The following TRANK1 variants were observed in gnomAD, a reference collection of about 807,000 sequenced individuals.
TRANK1 encodes tetratricopeptide repeat and ankyrin repeat containing 1.
TRANK1 carries 198 observed loss-of-function variants against 266.0 expected under a neutral mutation model. The ratio of observed to expected loss-of-function variants is 0.74; its 90% CI spans 0.66 to 0.84. The LOEUF (loss-of-function observed/expected upper bound fraction) is 0.84, where lower values mean the gene tolerates loss of function less well. Among genes scored for constraint, TRANK1 ranks in the 40% least tolerant of loss-of-function variants. The pLI, the probability that TRANK1 is intolerant of heterozygous loss-of-function variation, is 0.00. For synonymous variants in TRANK1, 1,396 were observed against 1,384.1 expected, an observed-to-expected ratio of 1.01 and a Z score of -0.19; for missense variants, 3,326 against 3,634.6, an observed-to-expected ratio of 0.92 and a Z score of 2.18.
rs151173305 is a variant in TRANK1 at position 36,913,395 on chromosome 3, T to C, written c.24-4941A>G. On this transcript the variant is annotated intron_variant, in intron 1 of 23. Coordinates refer to ENST00000645898, the MANE Select transcript of TRANK1 (RefSeq NM_001329998.2). ...CTATCTTTCTTTCTTGCCTGTTTGC[T>C]TGCTTGCTTGCTTGCTTGCTCACTT... 2.9e-5 allele frequency among the ~76,000 whole-genome samples: 4 copies of C among 140,314 alleles called. No individual in the cohort carries two copies. In the East Asian group the frequency reaches 5.9e-4, roughly 21 times the overall value. 92.1% of individuals were successfully genotyped at this position (140,314 alleles called of 152,430 possible). A position where few individuals can be genotyped will look rare whatever the true frequency, so the allele number is the denominator to read the frequency against.
chr3:36,903,035 G>T, intron 3 of TRANK1, 114 bp downstream of exon 3: 1 of 1,351,656 alleles, frequency 7.4e-7, no homozygotes, highest in Non-Finnish European at 9.8e-7. Context: ...GGAGGCAGCA[G>T]CTGCCACCCC....
At chr3:36,928,154 T>C (rs1464517300) in intron 1 of TRANK1, among the ~76,000 whole-genome samples, 1 of 152,182 alleles carries the variant, frequency 6.6e-6, no homozygotes, top group East Asian at 1.9e-4. Context: ...TCTATCTACT[T>C]GTTCCCTTGA....
At chr3:36,870,215 C>G (rs143009605) in intron 9 of TRANK1, among the ~76,000 whole-genome samples, 2 of 152,290 alleles carry the variant, frequency 1.3e-5, no homozygotes, top group East Asian at 3.9e-4. Flanking sequence ...GAAGACCAGT[C>G]TGACCAACAG....
chr3:36,861,221 C>T (rs1477363110), intron 10 of TRANK1, 61 bp from the exon 11 acceptor site: 4 of 1,492,086 alleles, frequency 2.7e-6, no homozygotes, highest in Admixed American at 2.1e-5. Flanking sequence ...CTTCTTTCCC[C>T]AATCACAACC....
chr3:36,856,926 C>A lies in TRANK1; in HGVS notation c.2796G>T (p.Gly932=). The change falls in exon 13 of 24, where the codon GGG becomes GGT. Residue 932 remains glycine, a synonymous_variant. Coordinates refer to ENST00000645898, the MANE Select transcript of TRANK1 (RefSeq NM_001329998.2). The part of the protein sequence containing the change: ...EQNTCAMEKS[G]RIYTEIIRIW... ...TCCGGATGATTTCCGTGTAGATCCG[C>A]CCTGATTTCTCCATTGCACACGTGT... is the stretch of plus-strand genomic sequence containing the variant. 1 of 1,591,434 alleles carries A rather than the reference C, an allele frequency of 6.3e-7. No homozygotes were observed. Among genetic ancestry groups the A allele is most frequent in the Non-Finnish European group, 8.5e-7 (1 of 1,169,836 alleles).
chr3:36,943,161 C>G (rs2080520704), intron 1 of TRANK1, among the ~76,000 whole-genome samples: 1 of 151,788 alleles, frequency 6.6e-6, no homozygotes, highest in Non-Finnish European at 1.5e-5. Flanking sequence ...CATTGCACTC[C>G]AGCCTGGGTG....
intron 17 of TRANK1, among the ~76,000 whole-genome samples, chr3:36,844,941 A>C (rs568140425): frequency 6.6e-6 from 1 of 152,312 alleles, no homozygotes; most frequent in Admixed American, 6.5e-5. Context: ...AACCCTCAAG[A>C]AAGACAACAA....
chr3:36,829,249 C>T (rs965340757), intron 23 of TRANK1, among the ~76,000 whole-genome samples: 2 of 152,172 alleles, frequency 1.3e-5, no homozygotes, highest in Non-Finnish European at 2.9e-5. Context: ...GATAGCTTCA[C>T]AATGCTTTGT....
chr3:36,833,423 C>G lies in TRANK1; in HGVS notation c.6160G>C (p.Asp2054His). 1.2e-6 allele frequency: 2 copies of G among 1,613,808 alleles called. No homozygotes were observed. Among genetic ancestry groups the G allele is most frequent in the Non-Finnish European group, 8.5e-7 (1 of 1,179,772 alleles). The change falls in exon 22 of 24, where the codon GAC becomes CAC. Residue 2054 changes from aspartate (D) to histidine (H), a missense_variant. Asp to His is a moderately conservative substitution (Grantham distance 81, BLOSUM62 -1). Coordinates refer to ENST00000645898, the MANE Select transcript of TRANK1 (RefSeq NM_001329998.2). Reference protein sequence around the residue: ...QKLRDAFFKFDTLNHSAGVVE... With the variant: ...QKLRDAFFKFHTLNHSAGVVE... ...ACTCCAGCTGAGTGGTTGAGCGTGT[C>G]AAACTTGAAGAAGGCATCCCTGAGC...
chr3:36,866,549 C>T (rs1313104435), intron 9 of TRANK1, among the ~76,000 whole-genome samples: 1 of 152,150 alleles, frequency 6.6e-6, no homozygotes, highest in Non-Finnish European at 1.5e-5. Context: ...CCTGATCCCA[C>T]AGGAAGGCTC....
At position 36,921,036 on chromosome 3, in the gene TRANK1, T is replaced by C. The variant is rs554148709; in HGVS notation, c.24-12582A>G. 2.0e-5 allele frequency among the ~76,000 whole-genome samples: 3 copies of C among 152,222 alleles called. No individual in the cohort carries two copies. In the South Asian group the frequency reaches 6.2e-4, roughly 32 times the overall value. ...TTTAATCAGTAGTTCACATCTGTTC[T>C]CCTGGTCACCTGCTCCATCCTGACT... On this transcript the variant is annotated intron_variant, in intron 1 of 23. Coordinates refer to ENST00000645898, the MANE Select transcript of TRANK1 (RefSeq NM_001329998.2).
chr3:36,918,878 C>A (rs1431318362), intron 1 of TRANK1, among the ~76,000 whole-genome samples: 1 of 152,162 alleles, frequency 6.6e-6, no homozygotes, highest in African/African-American at 2.4e-5. Flanking sequence ...AGCCAAGATA[C>A]TAATTACTTA....
chr3:36,887,916 T>A (rs2125599798), intron 8 of TRANK1, among the ~76,000 whole-genome samples: 1 of 152,340 alleles, frequency 6.6e-6, no homozygotes, highest in Middle Eastern at 3.4e-3. Context: ...CACTGTAAAA[T>A]GGTACAGCCA....
In TRANK1 at chr3:36,832,161, G is replaced by A; in HGVS notation, c.7422C>T (p.Val2474=). The change falls in exon 22 of 24, where the codon GTC becomes GTT. Residue 2474 remains valine, a synonymous_variant. Transcript: ENST00000645898. ...GVVLARLWKN[V]ILCLPKSYIA... ...TGTAGCTCTTGGGGAGGCATAGAAT[G>A]ACATTCTTCCAGAGGCGGGCCAGCA... 6.2e-7 allele frequency: 1 copy of A among 1,613,978 alleles called. No individual in the cohort carries two copies. Among genetic ancestry groups the A allele is most frequent in the Non-Finnish European group, 8.5e-7 (1 of 1,179,886 alleles).
intron 1 of TRANK1, among the ~76,000 whole-genome samples, chr3:36,933,564 G>C (rs2080387892): frequency 1.3e-5 from 2 of 152,162 alleles, no homozygotes; most frequent in Non-Finnish European, 2.9e-5. Context: ...ATCCACCCCA[G>C]CACCCTGGTC....
intron 3 of TRANK1, 35 bp from the exon 4 acceptor site, chr3:36,899,294 C>G: frequency 6.5e-7 from 1 of 1,530,244 alleles, no homozygotes; most frequent in Non-Finnish European, 8.7e-7. Context: ...TGTCATGTAC[C>G]ACATCTCCTT....
chr3:36,855,250 T>C lies in TRANK1; in HGVS notation c.4472A>G (p.Asn1491Ser), dbSNP rs202148217. 2.1e-4 allele frequency: 334 copies of C among 1,613,928 alleles called. 1 individual carries two copies. Among genetic ancestry groups the C allele is most frequent in the Non-Finnish European group, 2.7e-4 (322 of 1,179,904 alleles). ...LRSLFHYASR[N>S]TIDKQCAVRK... ...GACAGCACACTGCTTGTCTATGGTG[T>C]TTCTGCTGGCATAATGGAACAGAGA... The change falls in exon 13 of 24, where the codon AAC (asparagine) becomes AGC (serine). Residue 1491 changes from asparagine to serine, a missense_variant. Asn to Ser is a conservative substitution (Grantham distance 46, BLOSUM62 1). Coordinates refer to ENST00000645898, the MANE Select transcript of TRANK1 (RefSeq NM_001329998.2).
intron 2 of TRANK1, among the ~76,000 whole-genome samples, chr3:36,903,979 GAC>G (rs2079923217): frequency 6.6e-6 from 1 of 150,686 alleles, no homozygotes; most frequent in Non-Finnish European, 1.5e-5. Context: ...ATATCTTTGA[GAC>G]AGAGTCTCAC....
chr3:36,933,838 T>A (rs1559481212), intron 1 of TRANK1, among the ~76,000 whole-genome samples: 1 of 152,242 alleles, frequency 6.6e-6, no homozygotes, highest in Non-Finnish European at 1.5e-5. Context: ...ATTAAGCAGC[T>A]ACAGCTGAGA....
Sources: gnomAD v4.1 joint callset for allele counts (sites outside exome capture counted in the v4.1 genomes callset) on GRCh38, gnomAD v4.1.1 for gene constraint, MANE v1.5 for transcripts, NCBI Gene and HGNC (gene_info 2026-07-23, HGNC 2026-07-21) for gene names.